TRMT11: variants seen among roughly 807,000 people sequenced by gnomAD.
TRMT11 encodes the protein tRNA methyltransferase 11.
Under a neutral mutation model 62.8 loss-of-function variants are expected in TRMT11, and 53 were observed. The observed-to-expected ratio is 0.84, with a 90% confidence interval of 0.68 to 1.06. TRMT11 has a LOEUF of 1.06. TRMT11 is among the 50% of genes least tolerant of loss of function. The pLI is 0.00. For synonymous variants in TRMT11, 188 were observed against 190.3 expected (o/e 0.99, Z 0.10); for missense variants, 556 against 553.4 (o/e 1.00, Z -0.05).
Position 125,986,556 on chromosome 6 carries a change from G to A in TRMT11, c.6G>A (p.Ala2=). The A allele has an allele frequency of 6.3e-7, 1 of 1,589,184 alleles. No homozygotes were observed. The part of the protein sequence containing the change: M[A]LSCTLNRYLL... ...GCGCACGGTGGGCAGCTGCAATGGC[G>A]CTGTCGTGTACCCTTAACAGGTATC... Residue 2 remains alanine, a synonymous_variant, in exon 1 of 13, where the codon GCG becomes GCA. Transcript: ENST00000334379.
At chr6:126,104,759 G>A (rs1314190961) in intron 17 of TRMT11, among the ~76,000 whole-genome samples, 2 of 152,092 alleles carry the variant, frequency 1.3e-5, no homozygotes, top group African/African-American at 4.8e-5. Context: ...TCATTTTTAT[G>A]CCTTCCTTTC....
chr6:126,130,753 G>T (rs1185656085), intron 21 of TRMT11, among the ~76,000 whole-genome samples: 2 of 152,058 alleles, frequency 1.3e-5, no homozygotes, highest in Non-Finnish European at 2.9e-5. Flanking sequence ...CAACTCTCAA[G>T]ATTTCTTCCA....
At chr6:126,263,692 G>A in the TRMT11 span, among the ~76,000 whole-genome samples, 1 of 152,182 alleles carries the variant, frequency 6.6e-6, no homozygotes, top group South Asian at 2.1e-4. Flanking sequence ...TGAAAACTGG[G>A]CTGGACATCT....
intron 12 of TRMT11, among the ~76,000 whole-genome samples, chr6:126,035,235 G>A (rs1285488799): frequency 3.9e-5 from 6 of 152,006 alleles, no homozygotes; most frequent in Admixed American, 6.6e-5. Flanking sequence ...TGAGTGTTTC[G>A]TGAGAAATAT....
At chr6:126,022,938 C>G (rs1238432612) in intron 12 of TRMT11, among the ~76,000 whole-genome samples, 1 of 152,148 alleles carries the variant, frequency 6.6e-6, no homozygotes, top group Non-Finnish European at 1.5e-5. Context: ...TCTTTGTACT[C>G]ATTCTATTTC....
chr6:125,991,855 G>A (rs1790690231), intron 1 of TRMT11, among the ~76,000 whole-genome samples: 1 of 152,154 alleles, frequency 6.6e-6, no homozygotes, highest in South Asian at 2.1e-4. Flanking sequence ...ACTAAATAGT[G>A]TTTACTAAAG....
At chr6:126,205,027 G>A (rs1266994241), downstream of TRMT11, among the ~76,000 whole-genome samples, 1 of 152,156 alleles carries the variant, frequency 6.6e-6, no homozygotes, top group Non-Finnish European at 1.5e-5. Flanking sequence ...GCAAATATTT[G>A]TTTGTAATGT....
At chr6:126,112,746 C>G (rs1472782019) in intron 17 of TRMT11, among the ~76,000 whole-genome samples, 2 of 152,070 alleles carry the variant, frequency 1.3e-5, no homozygotes, top group Non-Finnish European at 2.9e-5. Flanking sequence ...ACCACAAATC[C>G]CCTACAGATC....
chr6:126,180,817 A>G (rs1334130672), intron 1 of TRMT11, among the ~76,000 whole-genome samples: 1 of 152,158 alleles, frequency 6.6e-6, no homozygotes, highest in Admixed American at 6.6e-5. Context: ...GTTCTGTCCT[A>G]TTGTCTTTTC....
At chr6:126,047,008 T>C (rs1776079697) in intron 16 of TRMT11, among the ~76,000 whole-genome samples, 1 of 152,066 alleles carries the variant, frequency 6.6e-6, no homozygotes, top group South Asian at 2.1e-4. Flanking sequence ...TTGGAGACTC[T>C]GGTAAAAGGA....
the TRMT11 span, among the ~76,000 whole-genome samples, chr6:126,233,259 A>G: frequency 1.3e-5 from 2 of 152,192 alleles, no homozygotes; most frequent in African/African-American, 2.4e-5. Context: ...AATAGTAGCA[A>G]TATTAACTAC....
At chr6:126,027,638 CT>C (rs909313501) in intron 12 of TRMT11, among the ~76,000 whole-genome samples, 260 of 150,770 alleles carry the variant, frequency 1.7e-3, no homozygotes, top group African/African-American at 5.7e-3. Flanking sequence ...AATCAGTTGT[CT>C]TTTTTTTTAT....
intron 1 of TRMT11, among the ~76,000 whole-genome samples, chr6:126,196,750 T>C (rs1255775973): frequency 1.3e-5 from 2 of 152,094 alleles, no homozygotes; most frequent in Non-Finnish European, 2.9e-5. Context: ...AGAAAAGGAA[T>C]ACCTATTAAA....
chr6:126,150,345 T>A (rs1363252413), intron 21 of TRMT11, among the ~76,000 whole-genome samples: 1 of 152,114 alleles, frequency 6.6e-6, no homozygotes, highest in Admixed American at 6.6e-5. Flanking sequence ...AAGAAACAAA[T>A]GTCAGTTTCT....
intron 17 of TRMT11, among the ~76,000 whole-genome samples, chr6:126,067,199 C>CAAA (rs778111134): frequency 2.1e-5 from 2 of 96,342 alleles, no homozygotes; most frequent in African/African-American, 3.2e-5. Flanking sequence ...GACTCCTTCT[C>CAAA]AAAAAAAAAA....
the TRMT11 span, among the ~76,000 whole-genome samples, chr6:126,252,029 T>C: frequency 6.6e-6 from 1 of 152,180 alleles, no homozygotes; most frequent in Non-Finnish European, 1.5e-5. Context: ...ATGCTTCTTC[T>C]GTCTATTGAT....
chr6:125,997,417 G>A (rs181052233), intron 3 of TRMT11, among the ~76,000 whole-genome samples: 59 of 152,342 alleles, frequency 3.9e-4, no homozygotes, highest in Admixed American at 6.5e-4. Flanking sequence ...CGACAAAAAG[G>A]TGAAAAATAT....
intron 16 of TRMT11, among the ~76,000 whole-genome samples, chr6:126,047,269 A>AT (rs1776087625): frequency 1.3e-5 from 2 of 151,382 alleles, no homozygotes; most frequent in Non-Finnish European, 1.5e-5. Flanking sequence ...TTGGCCTGCC[A>AT]TGCCCCCTTA....
intron 1 of TRMT11, among the ~76,000 whole-genome samples, chr6:126,197,120 G>T (rs1778676589): frequency 6.6e-6 from 1 of 152,100 alleles, no homozygotes; most frequent in Non-Finnish European, 1.5e-5. Context: ...AACTTTACAT[G>T]TATTTAATTT....
Sources: gnomAD v4.1 joint callset for allele counts (sites outside exome capture counted in the v4.1 genomes callset) on GRCh38, gnomAD v4.1.1 for gene constraint, MANE v1.5 for transcripts, NCBI Gene and HGNC (gene_info 2026-07-23, HGNC 2026-07-21) for gene names.